Variants in PTPN23 observed in about 807,000 individuals in gnomAD.
PTPN23 encodes the protein tyrosine-protein phosphatase non-receptor type 23.
In PTPN23, 72 loss-of-function variants were observed where a neutral mutation model predicts 156.3. That is an observed-to-expected ratio of 0.46 (90% confidence interval 0.38 to 0.56). The LOEUF is 0.56. PTPN23 is among the 20% of genes least tolerant of loss of function. PTPN23 has a pLI of 0.00. For missense variants in PTPN23, 1,974 were observed against 2,171.5 expected, an observed-to-expected ratio of 0.91 and a Z score of 1.81; for synonymous variants, 957 against 899.6, an observed-to-expected ratio of 1.06 and a Z score of -1.14.
At chr3:47,401,230 A>C (rs1270207243) in intron 2 of PTPN23, among the ~76,000 whole-genome samples, 2 of 151,272 alleles carry the variant, frequency 1.3e-5, no homozygotes, top group Non-Finnish European at 2.9e-5. Context: ...ATAGGGTCTC[A>C]CTCTGTTGCC....
Position 47,406,979 on chromosome 3 carries a change from G to C in PTPN23, c.808-151G>C. 2.6e-6 allele frequency: 3 copies of C among 1,141,134 alleles called. No individual in the cohort carries two copies. Among genetic ancestry groups the C allele is most frequent in the South Asian group, 2.9e-5 (2 of 68,642 alleles). The allele number at this position is 1,141,134 out of a possible 1,614,324, so 70.7% of individuals were successfully genotyped here. On this transcript the variant is annotated intron_variant, in intron 9 of 24. Coordinates refer to ENST00000265562, the MANE Select transcript of PTPN23 (RefSeq NM_015466.4). The surrounding 1 kb of genome is among the most constrained non-coding windows in gnomAD (Gnocchi z 5.8). Reference sequence around the variant, plus strand: ...AGAGCAGGTGGCTGGGGCAGGGTGTGGCGCCACCTTGCTGCTGTTGGCTGG... The same window carrying C: ...AGAGCAGGTGGCTGGGGCAGGGTGTCGCGCCACCTTGCTGCTGTTGGCTGG...
In PTPN23 at chr3:47,405,343, C is replaced by T. The variant is rs573009929; in HGVS notation, c.364+262C>T. ...TGTGTGCTCTGTCTGGGAGAGAGGG[C>T]CTTTCTTCTTTGACTGGACAGCCCC... On this transcript the variant is annotated intron_variant, in intron 4 of 24. Transcript: ENST00000265562. The surrounding 1 kb of genome is among the most constrained non-coding windows in gnomAD (Gnocchi z 4.7). The T allele has an allele frequency of 4.7e-4, 262 of 556,072 alleles. No homozygotes were observed. Among genetic ancestry groups the T allele is most frequent in the Non-Finnish European group, 6.1e-4 (188 of 309,846 alleles). The allele number at this position is 556,072 out of a possible 1,614,324, so 34.4% of individuals were successfully genotyped here.
intron 2 of PTPN23, among the ~76,000 whole-genome samples, chr3:47,398,452 C>A (rs1047673550): frequency 6.6e-6 from 1 of 152,166 alleles, no homozygotes; most frequent in Non-Finnish European, 1.5e-5. Flanking sequence ...GATGTCATAT[C>A]TCTGGATATC....
At position 47,409,655 on chromosome 3, in the gene PTPN23, G is replaced by A. The variant is rs1312972140; in HGVS notation, c.1950G>A (p.Lys650=). ...VRRVLSDLDQ[K]WNSTLQTLVA... is the part of the protein sequence containing the mutation. The stretch of plus-strand genomic sequence containing the variant: ...TGGAGCTGGCCCTTCTGCCCACCAG[G>A]TGGAACTCCACGCTGCAGACCCTGG... Residue 650 remains lysine (K), a splice_region_variant and synonymous_variant, in exon 19 of 25, where the codon AAG becomes AAA. Coordinates refer to ENST00000265562, the MANE Select transcript of PTPN23 (RefSeq NM_015466.4). 1 of 1,612,468 alleles carries A rather than the reference G, an allele frequency of 6.2e-7. No homozygotes were observed. The highest frequency in any genetic ancestry group is 8.5e-7 in the Non-Finnish European group (1 of 1,179,768).
rs1705102632 is a variant in PTPN23, at chr3:47,405,627, C to T, written c.365-122C>T. ...CCTCCAGCTTGGGTGTCCTTGGACT[C>T]GTTGCCCTGGTTCTCAGAGCCATGT... On this transcript the variant is annotated intron_variant, in intron 4 of 24. Coordinates refer to ENST00000265562, the MANE Select transcript of PTPN23 (RefSeq NM_015466.4). The surrounding 1 kb of genome is among the most constrained non-coding windows in gnomAD (Gnocchi z 4.7). 3.0e-6 allele frequency: 3 copies of T among 1,010,614 alleles called. No individual in the cohort carries two copies. Among genetic ancestry groups the T allele is most frequent in the Non-Finnish European group, 4.4e-6 (3 of 680,706 alleles). The allele number at this position is 1,010,614 out of a possible 1,614,324, so 62.6% of individuals were successfully genotyped here.
chr3:47,396,211 C>T lies in PTPN23; in HGVS notation c.153C>T (p.Leu51=), dbSNP rs1213693833. The T allele has an allele frequency of 6.2e-7, 1 of 1,611,466 alleles. No individual in the cohort carries two copies. The highest frequency in any genetic ancestry group is 1.1e-5 in the South Asian group (1 of 90,982). The change falls in exon 2 of 25, where the codon CTC becomes CTT. Residue 51 remains leucine, a synonymous_variant. Transcript: ENST00000265562. The part of the protein sequence containing the change: ...YNEELKKLEL[L]RQNAVRVPRD... ...AAGAACTGAAGAAGCTGGAGTTGCT[C>T]AGACAGGTAGGAGGATAGTATTATC...
chr3:47,408,766 A>G lies in PTPN23; in HGVS notation c.1331-10A>G, dbSNP rs780371896. The G allele has an allele frequency of 4.4e-6, 7 of 1,576,132 alleles. No individual in the cohort carries two copies. The African/African-American group carries it at 9.4e-5, about 21-fold the overall frequency. ...GCCTCAGGGGCTGCCTGTACAATCC[A>G]CAACCCCAGTGCTGTCAGGTGTGTT... On this transcript the variant is annotated splice_polypyrimidine_tract_variant and intron_variant, in intron 15 of 24. Coordinates refer to ENST00000265562, the MANE Select transcript of PTPN23 (RefSeq NM_015466.4).
At position 47,407,001 on chromosome 3, in the gene PTPN23, C is replaced by A; in HGVS notation, c.808-129C>A. The A allele has an allele frequency of 2.3e-6, 3 of 1,277,458 alleles. No homozygotes were observed. Among genetic ancestry groups the A allele is most frequent in the Non-Finnish European group, 2.2e-6 (2 of 907,714 alleles). 79.1% of individuals were successfully genotyped at this position (1,277,458 alleles called of 1,614,324 possible). A position where few individuals can be genotyped will look rare whatever the true frequency, so the allele number is the denominator to read the frequency against. On this transcript the variant is annotated intron_variant, in intron 9 of 24. Transcript: ENST00000265562. The surrounding 1 kb of genome is among the most constrained non-coding windows in gnomAD (Gnocchi z 4.0). ...TGTGGCGCCACCTTGCTGCTGTTGG[C>A]TGGGGTGGTGCCCGGCTGCCTCCTG... is the stretch of plus-strand genomic sequence containing the variant.
Position 47,410,482 on chromosome 3 carries a change from C to CAGCCCCACGGCCA in PTPN23, c.2686_2698dup (p.Asn900SerfsTer34), listed in dbSNP as rs1559528213. 1 of 1,608,672 alleles carries CAGCCCCACGGCCA rather than the reference C, an allele frequency of 6.2e-7. No individual in the cohort carries two copies. Among genetic ancestry groups the CAGCCCCACGGCCA allele is most frequent in the Non-Finnish European group, 8.5e-7 (1 of 1,177,758 alleles). On this transcript the variant is annotated frameshift_variant, in exon 20 of 25. Coordinates refer to ENST00000265562, the MANE Select transcript of PTPN23 (RefSeq NM_015466.4). LOFTEE classifies it high-confidence loss of function. ...ATCCAGGCGCCCATCCCCAGCCACA[C>CAGCCCCACGGCCA]AGCCCCACGGCCAAACCCCACCCCT...
intron 2 of PTPN23, among the ~76,000 whole-genome samples, chr3:47,400,892 ATTTATTTTG>A (rs1704980588): frequency 6.7e-6 from 1 of 150,094 alleles, no homozygotes; most frequent in Non-Finnish European, 1.5e-5. Context: ...ATTTTATTTT[ATTTATTTTG>A]TTTTATTATT....
Position 47,412,081 on chromosome 3 carries a change from T to C in PTPN23, c.4074-13T>C, listed in dbSNP as rs1705315626. On this transcript the variant is annotated splice_polypyrimidine_tract_variant and intron_variant, in intron 21 of 24. Coordinates refer to ENST00000265562, the MANE Select transcript of PTPN23 (RefSeq NM_015466.4). The stretch of plus-strand genomic sequence containing the variant: ...GGCTCATAGGCTCTTCCTGGCCCCA[T>C]CCTGTCCCACAGAGGCCTGCCCGAC... 2 of 1,612,796 alleles carry C rather than the reference T, an allele frequency of 1.2e-6. No individual in the cohort carries two copies. The highest frequency in any genetic ancestry group is 4.5e-5 in the East Asian group (2 of 44,866).
In PTPN23 at chr3:47,410,863, C is replaced by T. The variant is rs1378337610; in HGVS notation, c.3065C>T (p.Pro1022Leu). The change falls in exon 20 of 25, where the codon CCC becomes CTC. Residue 1022 changes from proline (P) to leucine (L), a missense_variant. Physicochemically the swap from Pro to Leu is moderately conservative, Grantham distance 98. Around this residue, in one of 4 missense-constraint regions of PTPN23, gnomAD observed 731 missense variants for 669.1 expected, o/e 1.09. Coordinates refer to ENST00000265562, the MANE Select transcript of PTPN23 (RefSeq NM_015466.4). Reference sequence around the variant, plus strand: ...CTACACACCCAGCTCTACCCAGGTCCCGCTCAAGACCCTCTGCCAGCCCAC... The same window carrying T: ...CTACACACCCAGCTCTACCCAGGTCTCGCTCAAGACCCTCTGCCAGCCCAC... ...PPLHTQLYPG[P>L]AQDPLPAHSG... 12 of 1,610,330 alleles carry T rather than the reference C, an allele frequency of 7.5e-6. No individual in the cohort carries two copies. Among genetic ancestry groups the T allele is most frequent in the South Asian group, 1.1e-5 (1 of 91,008 alleles).
At chr3:47,404,250 T>G (rs1029911880) in intron 2 of PTPN23, among the ~76,000 whole-genome samples, 1 of 151,676 alleles carries the variant, frequency 6.6e-6, no homozygotes, top group Admixed American at 6.6e-5. Context: ...CTGGCCAAAA[T>G]GGGGAAACCC....
chr3:47,410,874 C>A lies in PTPN23; in HGVS notation c.3076C>A (p.Pro1026Thr). ...GCTCTACCCAGGTCCCGCTCAAGAC[C>A]CTCTGCCAGCCCACTCAGGGGCTCT... ...TQLYPGPAQD[P>T]LPAHSGALPF... Residue 1026 changes from proline (P) to threonine (T), a missense_variant, in exon 20 of 25, where the codon CCT (proline) becomes ACT (threonine). Pro to Thr is a conservative substitution (Grantham distance 38, BLOSUM62 -1). Coordinates refer to ENST00000265562, the MANE Select transcript of PTPN23 (RefSeq NM_015466.4). The A allele has an allele frequency of 6.2e-7, 1 of 1,611,242 alleles. No individual in the cohort carries two copies. The highest frequency in any genetic ancestry group is 8.5e-7 in the Non-Finnish European group (1 of 1,178,682).
chr3:47,392,665 G>A (rs1016371808), intron 1 of PTPN23, among the ~76,000 whole-genome samples: 8 of 152,062 alleles, frequency 5.3e-5, no homozygotes, highest in African/African-American at 1.7e-4. Context: ...TTTCTAGGGG[G>A]ATTTAATTCA....
intron 2 of PTPN23, among the ~76,000 whole-genome samples, chr3:47,403,870 T>C (rs1705057736): frequency 1.3e-5 from 2 of 152,140 alleles, no homozygotes; most frequent in Non-Finnish European, 2.9e-5. Context: ...CTGTGATGAA[T>C]ATCCTTGCGT....
chr3:47,385,592 C>A (rs1242483560), intron 1 of PTPN23, among the ~76,000 whole-genome samples: 1 of 152,116 alleles, frequency 6.6e-6, no homozygotes, highest in African/African-American at 2.4e-5. Flanking sequence ...GTGGGAGGAT[C>A]ACTTGAACCC....
intron 2 of PTPN23, among the ~76,000 whole-genome samples, chr3:47,397,199 A>G (rs1327502848): frequency 6.6e-6 from 1 of 152,216 alleles, no homozygotes; most frequent in African/African-American, 2.4e-5. Flanking sequence ...CTGATCACTG[A>G]TCACCATAAC....
chr3:47,409,346 T>A (rs1179683318), intron 17 of PTPN23, 29 bp downstream of exon 17: 1 of 1,613,306 alleles, frequency 6.2e-7, no homozygotes, highest in Admixed American at 1.7e-5. Flanking sequence ...GTAGAGGGGC[T>A]CTGGCTCCGG....
Sources: allele counts gnomAD v4.1 joint callset (sites outside exome capture counted in the v4.1 genomes callset), GRCh38; gene constraint gnomAD v4.1.1; regional missense constraint gnomAD v4.1.1; non-coding constraint Gnocchi (gnomAD v3.1); transcripts MANE v1.5; gene names NCBI Gene and HGNC (gene_info 2026-07-23, HGNC 2026-07-21).